The following BFSP2 variants were observed in gnomAD, a reference collection of about 807,000 sequenced individuals.
BFSP2 encodes beaded filament structural protein 2.
A neutral mutation model predicts 44.9 loss-of-function variants in BFSP2; 38 were observed. The observed-to-expected ratio is 0.85, with a 90% CI of 0.65 to 1.11. BFSP2 has a LOEUF of 1.11. BFSP2 is among the 50% of genes least tolerant of loss of function. The pLI, the probability that BFSP2 is intolerant of heterozygous loss-of-function variation, is 0.00. For synonymous variants in BFSP2, 197 were observed against 209.9 expected (o/e 0.94, Z 0.53); for missense variants, 525 against 533.0 (o/e 0.99, Z 0.15).
intron 1 of BFSP2, among the ~76,000 whole-genome samples, chr3:133,421,190 A>G (rs926005432): frequency 1.3e-5 from 2 of 152,232 alleles, no homozygotes; most frequent in African/African-American, 4.8e-5. Context: ...TAAATCAACA[A>G]ATGGAAGTGC....
chr3:133,460,444 AAC>A (rs1222356621), intron 4 of BFSP2, among the ~76,000 whole-genome samples: 1 of 152,142 alleles, frequency 6.6e-6, no homozygotes, highest in Non-Finnish European at 1.5e-5. Context: ...TTTTTGTAGA[AAC>A]AGGATTTCAG....
chr3:133,435,913 T>C (rs1648541691), intron 1 of BFSP2, among the ~76,000 whole-genome samples: 1 of 152,224 alleles, frequency 6.6e-6, no homozygotes, highest in Non-Finnish European at 1.5e-5. Context: ...ACAAATTTGA[T>C]GTTTTCTCTT....
chr3:133,462,320 T>C (rs1445503561), intron 4 of BFSP2, among the ~76,000 whole-genome samples: 1 of 152,246 alleles, frequency 6.6e-6, no homozygotes, highest in Non-Finnish European at 1.5e-5. Flanking sequence ...ACCATGTCAG[T>C]GGTGCAAGAA....
chr3:133,472,061 T>G (rs188939809), intron 5 of BFSP2, among the ~76,000 whole-genome samples: 24 of 152,014 alleles, frequency 1.6e-4, no homozygotes, highest in African/African-American at 5.8e-4. Flanking sequence ...TCACACCCCC[T>G]TTCTTTTCTC....
intron 4 of BFSP2, among the ~76,000 whole-genome samples, chr3:133,452,410 C>CT (rs991874821): frequency 1.1e-4 from 16 of 152,308 alleles, no homozygotes; most frequent in African/African-American, 3.6e-4. Flanking sequence ...ACTACAAACA[C>CT]TTTTTTATGG....
At chr3:133,425,785 G>GAAAGGGA (rs149805571) in intron 1 of BFSP2, among the ~76,000 whole-genome samples, 1,547 of 25,588 alleles carry the variant, frequency 0.06, 67 homozygotes, top group African/African-American at 0.086. Flanking sequence ...AAGGGAAAGG[G>GAAAGGGA]AAGGGAAGGG....
At chr3:133,447,613 G>A (rs1455845833) in intron 2 of BFSP2, among the ~76,000 whole-genome samples, 1 of 152,104 alleles carries the variant, frequency 6.6e-6, no homozygotes, top group East Asian at 1.9e-4. Context: ...AGTTGGTTTA[G>A]AGCAGGGTTC....
chr3:133,469,936 C>T (rs60238873), intron 5 of BFSP2, among the ~76,000 whole-genome samples: 2,349 of 152,296 alleles, frequency 0.015, 58 homozygotes, highest in African/African-American at 0.054. Flanking sequence ...ACAGATGATC[C>T]AACCGTGATT....
intron 1 of BFSP2, among the ~76,000 whole-genome samples, chr3:133,411,752 G>C (rs2107881599): frequency 6.6e-6 from 1 of 152,128 alleles, no homozygotes; most frequent in South Asian, 2.1e-4. Flanking sequence ...AATAATAAAA[G>C]TATTATTATA....
Position 133,450,510 on chromosome 3 carries a change from A to G in BFSP2, c.891+46A>G, listed in dbSNP as rs1205446853. On this transcript the variant is annotated intron_variant, in intron 4 of 6. Coordinates refer to ENST00000302334, the MANE Select transcript of BFSP2 (RefSeq NM_003571.4). Reference sequence around the variant, plus strand: ...CCTCCACTCTGCCCTATGCAGAAGGAGGCCACGCTGAGCTGCAAACTAGTC... The same window carrying G: ...CCTCCACTCTGCCCTATGCAGAAGGGGGCCACGCTGAGCTGCAAACTAGTC... 1.9e-6 allele frequency: 3 copies of G among 1,610,702 alleles called. No individual in the cohort carries two copies. The South Asian group carries it at 3.3e-5, about 18-fold the overall frequency.
chr3:133,469,334 G>A (rs569087077), intron 5 of BFSP2, among the ~76,000 whole-genome samples: 134 of 152,342 alleles, frequency 8.8e-4, no homozygotes, highest in African/African-American at 3.0e-3. Context: ...CTGTCAGAGC[G>A]ATCTGTGCAC....
At chr3:133,472,285 T>A in intron 5 of BFSP2, 60 bp from the exon 6 acceptor site, 1 of 1,537,696 alleles carries the variant, frequency 6.5e-7, no homozygotes, top group East Asian at 2.4e-5. Context: ...TCTGCACACC[T>A]CCCTCTTCAA....
chr3:133,413,971 G>A lies in BFSP2; in HGVS notation c.489+13399G>A, dbSNP rs1002681924. ...TCCCCTGCTGAATGTAACTGCCCACGCCTGCCTGGCCCCTGTACTCACGCC... is the reference window on the plus strand; with the variant it reads ...TCCCCTGCTGAATGTAACTGCCCACACCTGCCTGGCCCCTGTACTCACGCC... On this transcript the variant is annotated intron_variant, in intron 1 of 6. Transcript: ENST00000302334. Among the ~76,000 whole-genome samples the A allele has an allele frequency of 8.6e-5, 13 of 151,506 alleles. No individual in the cohort carries two copies. In the East Asian group the frequency reaches 2.5e-3, roughly 29 times the overall value.
intron 1 of BFSP2, among the ~76,000 whole-genome samples, chr3:133,435,837 G>C (rs529480082): frequency 6.6e-6 from 1 of 152,054 alleles, no homozygotes; most frequent in Non-Finnish European, 1.5e-5. Flanking sequence ...TTTCTTTAGG[G>C]CATTGTCCCC....
At chr3:133,426,058 A>G (rs1021736916) in intron 1 of BFSP2, among the ~76,000 whole-genome samples, 1 of 116,344 alleles carries the variant, frequency 8.6e-6, no homozygotes, top group Admixed American at 8.9e-5. Context: ...CTTCCTTGTC[A>G]GATATTGTTT....
chr3:133,470,606 GT>G (rs1337605208), intron 5 of BFSP2, among the ~76,000 whole-genome samples: 2 of 152,162 alleles, frequency 1.3e-5, no homozygotes, highest in Non-Finnish European at 2.9e-5. Flanking sequence ...GAAGAAAGAA[GT>G]TTCCAGTCTA....
chr3:133,433,527 C>A (rs913472505), intron 1 of BFSP2, among the ~76,000 whole-genome samples: 1 of 152,158 alleles, frequency 6.6e-6, no homozygotes, highest in Non-Finnish European at 1.5e-5. Context: ...CTCAAAGCCC[C>A]GAGTCAGATA....
In BFSP2 at chr3:133,400,592, C is replaced by A; in HGVS notation, c.489+20C>A. 6.3e-7 allele frequency: 1 copy of A among 1,578,112 alleles called. No homozygotes were observed. Among genetic ancestry groups the A allele is most frequent in the South Asian group, 1.1e-5 (1 of 87,000 alleles). ...CAGCAGGTAAGTGTCCAGGCTGTGC[C>A]AAGGGCTTTGCAGAGGGCTGGGAGG... On this transcript the variant is annotated intron_variant, in intron 1 of 6. Transcript: ENST00000302334. The surrounding 1 kb of genome is among the most constrained non-coding windows in gnomAD (Gnocchi z 4.0).
At chr3:133,410,431 G>T (rs1274802224) in intron 1 of BFSP2, 1 of 273,638 alleles carries the variant, frequency 3.7e-6, no homozygotes, top group South Asian at 4.4e-5. Context: ...TCCAAGCCGC[G>T]CTCTTCCAGC....
Sources: allele counts gnomAD v4.1 joint callset (sites outside exome capture counted in the v4.1 genomes callset), GRCh38; gene constraint gnomAD v4.1.1; non-coding constraint Gnocchi (gnomAD v3.1); transcripts MANE v1.5; gene names NCBI Gene and HGNC (gene_info 2026-07-23, HGNC 2026-07-21).